Variants in ARB2A observed in about 807,000 individuals in gnomAD.
ARB2A encodes the protein ARB2 cotranscriptional regulator A, also known as cotranscriptional regulator ARB2A.
At chr5:94,076,335 T>G in the ARB2A span, among the ~76,000 whole-genome samples, 15 of 152,322 alleles carry the variant, frequency 9.8e-5, no homozygotes, top group African/African-American at 3.1e-4. Flanking sequence ...CATAAGTGAC[T>G]CTTATTTTTC....
chr5:93,725,340 C>T, the ARB2A span, among the ~76,000 whole-genome samples: 2 of 152,030 alleles, frequency 1.3e-5, no homozygotes, highest in East Asian at 1.9e-4. Context: ...ATTAATACCC[C>T]TATCTCTTTC....
At chr5:93,960,005 C>T in the ARB2A span, among the ~76,000 whole-genome samples, 3 of 147,582 alleles carry the variant, frequency 2.0e-5, no homozygotes, top group African/African-American at 7.7e-5. Flanking sequence ...TATTGTGTAA[C>T]GTAATAGCTC....
the ARB2A span, among the ~76,000 whole-genome samples, chr5:93,852,422 G>A: frequency 3.3e-5 from 5 of 152,070 alleles, no homozygotes; most frequent in Non-Finnish European, 5.9e-5. Context: ...CACTCTGATG[G>A]TAGTTTCCTT....
the ARB2A span, among the ~76,000 whole-genome samples, chr5:93,813,106 C>T: frequency 6.6e-6 from 1 of 152,140 alleles, no homozygotes; most frequent in Non-Finnish European, 1.5e-5. Context: ...GTCTCCAGAA[C>T]TCAGAGAAAT....
At chr5:93,855,971 C>T in the ARB2A span, among the ~76,000 whole-genome samples, 4 of 152,058 alleles carry the variant, frequency 2.6e-5, no homozygotes, top group South Asian at 8.3e-4. Flanking sequence ...CAGAGAATGA[C>T]TTTGATGAGT....
the ARB2A span, chr5:93,740,642 G>C: frequency 6.2e-7 from 1 of 1,613,746 alleles, no homozygotes; most frequent in Non-Finnish European, 8.5e-7. Flanking sequence ...GCAGAGTAGA[G>C]ACGTGTATAG....
the ARB2A span, among the ~76,000 whole-genome samples, chr5:93,779,090 A>AGAGTGTGT: frequency 2.1e-5 from 3 of 143,448 alleles, no homozygotes; most frequent in Admixed American, 1.4e-4. Flanking sequence ...GTCATTTCAG[A>AGAGTGTGT]GTGTGTGTGT....
the ARB2A span, among the ~76,000 whole-genome samples, chr5:93,958,492 T>G: frequency 6.6e-6 from 1 of 152,186 alleles, no homozygotes; most frequent in Middle Eastern, 3.4e-3. Flanking sequence ...ATTAAAAATA[T>G]TTTTAGAAAA....
the ARB2A span, among the ~76,000 whole-genome samples, chr5:93,637,354 G>T: frequency 3.1e-4 from 36 of 116,078 alleles, no homozygotes; most frequent in South Asian, 8.7e-4. Context: ...GGGTTGTTTA[G>T]TTTTTTTTTT....
chr5:94,074,727 T>C, the ARB2A span: 1 of 1,612,772 alleles, frequency 6.2e-7, no homozygotes. Flanking sequence ...GGCAACAAAA[T>C]TAAAGAGCTC....
the ARB2A span, among the ~76,000 whole-genome samples, chr5:93,621,363 TG>T: frequency 6.6e-5 from 10 of 151,928 alleles, no homozygotes; most frequent in Admixed American, 1.3e-4. Flanking sequence ...CGGGGTCACT[TG>T]CCCCCTGGCT....
chr5:93,771,136 T>A, the ARB2A span, among the ~76,000 whole-genome samples: 1 of 152,006 alleles, frequency 6.6e-6, no homozygotes, highest in East Asian at 1.9e-4. Flanking sequence ...AACAGAGCCC[T>A]CAGAAATAAC....
At chr5:93,675,789 C>G in the ARB2A span, among the ~76,000 whole-genome samples, 1 of 152,194 alleles carries the variant, frequency 6.6e-6, no homozygotes, top group Non-Finnish European at 1.5e-5. Flanking sequence ...CTGGCACCTG[C>G]TGCATGAGAA....
chr5:94,042,972 AT>A, the ARB2A span, among the ~76,000 whole-genome samples: 1 of 152,132 alleles, frequency 6.6e-6, no homozygotes, highest in Non-Finnish European at 1.5e-5. Context: ...AGATAACCAA[AT>A]TTCTTTGTCA....
At chr5:93,866,354 G>A in the ARB2A span, 2 of 920,718 alleles carry the variant, frequency 2.2e-6, no homozygotes, top group Non-Finnish European at 2.6e-6. Context: ...GGGAGGAACA[G>A]TGTTTTCAAC....
chr5:93,655,219 T>C, the ARB2A span, among the ~76,000 whole-genome samples: 2 of 152,222 alleles, frequency 1.3e-5, no homozygotes, highest in Admixed American at 6.5e-5. Flanking sequence ...TTCAGATATA[T>C]GGGATTTTTG....
At chr5:93,955,931 G>A in the ARB2A span, among the ~76,000 whole-genome samples, 1 of 152,212 alleles carries the variant, frequency 6.6e-6, no homozygotes. Flanking sequence ...CTAAAAAGGT[G>A]TATGTGAGTA....
chr5:93,665,335 A>C, the ARB2A span, among the ~76,000 whole-genome samples: 1 of 152,188 alleles, frequency 6.6e-6, no homozygotes, highest in African/African-American at 2.4e-5. Flanking sequence ...GAGATTCTGT[A>C]GCTTATATAA....
At chr5:93,949,547 G>T in the ARB2A span, among the ~76,000 whole-genome samples, 1 of 151,944 alleles carries the variant, frequency 6.6e-6, no homozygotes, top group East Asian at 1.9e-4. Context: ...GCAACAGAGC[G>T]AGAGTCTCTA....
Sources: allele counts gnomAD v4.1 joint callset (sites outside exome capture counted in the v4.1 genomes callset), GRCh38; gene constraint gnomAD v4.1.1; transcripts MANE v1.5; gene names NCBI Gene and HGNC (gene_info 2026-07-23, HGNC 2026-07-21).